RALYL: variants seen among roughly 807,000 people sequenced by gnomAD.
The protein encoded by RALYL is RALY RNA binding protein like, also known as RNA-binding Raly-like protein.
In RALYL, 29 loss-of-function variants were observed where a neutral mutation model predicts 35.1. That is an observed-to-expected ratio of 0.83 (90% confidence interval 0.61 to 1.13). The LOEUF (loss-of-function observed/expected upper bound fraction) is 1.13, where lower values mean the gene tolerates loss of function less well. RALYL is among the 50% of genes most tolerant of loss of function. RALYL has a pLI of 0.00. For synonymous variants in RALYL, 120 were observed against 127.6 expected (o/e 0.94, Z 0.40); for missense variants, 359 against 360.4 (o/e 1.00, Z 0.03).
intron 2 of RALYL, among the ~76,000 whole-genome samples, chr8:84,766,606 C>A (rs1814070782): frequency 6.7e-6 from 1 of 150,026 alleles, no homozygotes; most frequent in South Asian, 2.1e-4. Flanking sequence ...CGCCTGTAAT[C>A]CCAGCTACTT....
At chr8:84,417,957 C>T (rs1378740685) in intron 1 of RALYL, among the ~76,000 whole-genome samples, 1 of 152,144 alleles carries the variant, frequency 6.6e-6, no homozygotes, top group Non-Finnish European at 1.5e-5. Context: ...AAAGCACCTA[C>T]TTGAAGACAT....
intron 2 of RALYL, among the ~76,000 whole-genome samples, chr8:84,608,132 G>C (rs1220647869): frequency 6.6e-6 from 1 of 151,904 alleles, no homozygotes; most frequent in Non-Finnish European, 1.5e-5. Flanking sequence ...CAATATTCAG[G>C]CCCCCCGAAT....
chr8:84,778,235 T>C (rs751050768), intron 3 of RALYL, among the ~76,000 whole-genome samples: 1 of 152,230 alleles, frequency 6.6e-6, no homozygotes, highest in Non-Finnish European at 1.5e-5. Flanking sequence ...GCCGCCAGAC[T>C]TTCTTCTTCA....
chr8:84,289,605 T>C (rs570954229), intron 1 of RALYL, among the ~76,000 whole-genome samples: 6 of 152,234 alleles, frequency 3.9e-5, no homozygotes, highest in African/African-American at 1.4e-4. Context: ...TGTGCCAACA[T>C]GAGATTGTTA....
rs143499044 is a variant in RALYL at position 84,293,192 on chromosome 8, A to T, written c.-24+108768A>T. 1.2e-4 allele frequency among the ~76,000 whole-genome samples: 19 copies of T among 152,242 alleles called. 2 individuals carry two copies. The highest frequency in any genetic ancestry group is 4.6e-4 in the African/African-American group (19 of 41,548). On this transcript the variant is annotated intron_variant, in intron 1 of 8. Transcript: ENST00000521268. ...GCAGAGAATAACTAAATACCAACAGACTGAGCAATAGGGGAAATTTTTCAA... is the reference window on the plus strand; with the variant it reads ...GCAGAGAATAACTAAATACCAACAGTCTGAGCAATAGGGGAAATTTTTCAA...
intron 1 of RALYL, among the ~76,000 whole-genome samples, chr8:84,375,652 C>G (rs1399965778): frequency 1.3e-5 from 2 of 151,764 alleles, no homozygotes; most frequent in African/African-American, 4.8e-5. Context: ...CAAATTCATG[C>G]TTTTTTGAGG....
At chr8:84,261,575 A>G (rs576688758) in intron 1 of RALYL, among the ~76,000 whole-genome samples, 3 of 152,244 alleles carry the variant, frequency 2.0e-5, no homozygotes, top group Admixed American at 2.0e-4. Context: ...TTCCTTACCC[A>G]GTCTCAGGCC....
intron 1 of RALYL, among the ~76,000 whole-genome samples, chr8:84,271,529 A>G (rs1474899923): frequency 1.3e-5 from 2 of 151,210 alleles, no homozygotes; most frequent in Non-Finnish European, 2.9e-5. Context: ...TCTAGTATCT[A>G]GGTAAGATAA....
chr8:84,785,816 T>C (rs1819307366), intron 3 of RALYL, among the ~76,000 whole-genome samples: 1 of 152,138 alleles, frequency 6.6e-6, no homozygotes, highest in Admixed American at 6.5e-5. Flanking sequence ...AAACTTAGCA[T>C]TTGATTAGAG....
intron 1 of RALYL, among the ~76,000 whole-genome samples, chr8:84,489,259 G>GT (rs2054986058): frequency 6.6e-6 from 1 of 151,720 alleles, no homozygotes; most frequent in Admixed American, 6.6e-5. Context: ...TTGAAATGAT[G>GT]TATCTATTCC....
intron 3 of RALYL, among the ~76,000 whole-genome samples, chr8:84,785,461 G>A (rs896987231): frequency 6.6e-6 from 1 of 152,092 alleles, no homozygotes; most frequent in Admixed American, 6.6e-5. Flanking sequence ...AACATTCTGG[G>A]ATTCTGCTGT....
At chr8:84,462,608 T>TTG (rs952807289) in intron 1 of RALYL, among the ~76,000 whole-genome samples, 1 of 151,344 alleles carries the variant, frequency 6.6e-6, no homozygotes, top group Non-Finnish European at 1.5e-5. Flanking sequence ...TTCATTTTTT[T>TTG]TTTTTTTTGC....
intron 2 of RALYL, among the ~76,000 whole-genome samples, chr8:84,621,322 GAAA>G (rs1284089596): frequency 6.6e-6 from 1 of 152,204 alleles, no homozygotes; most frequent in African/African-American, 2.4e-5. Flanking sequence ...AAGCCCGTCG[GAAA>G]AGCGCAGTAT....
At chr8:84,580,333 TG>T (rs1810530461) in intron 2 of RALYL, among the ~76,000 whole-genome samples, 1 of 152,224 alleles carries the variant, frequency 6.6e-6, no homozygotes. Context: ...GAGGTTTATT[TG>T]GCTTACAGTT....
At chr8:84,846,777 AG>A (rs1228757152) in intron 4 of RALYL, among the ~76,000 whole-genome samples, 2 of 152,172 alleles carry the variant, frequency 1.3e-5, no homozygotes, top group Non-Finnish European at 2.9e-5. Context: ...CATTTTCTCT[AG>A]ATGTCCTATT....
intron 2 of RALYL, among the ~76,000 whole-genome samples, chr8:84,684,860 G>A (rs1367685910): frequency 1.3e-5 from 2 of 152,196 alleles, no homozygotes; most frequent in Non-Finnish European, 2.9e-5. Flanking sequence ...AGATAGGGAA[G>A]TTTAAGCAAC....
chr8:84,688,665 G>A (rs1204424203), intron 2 of RALYL, among the ~76,000 whole-genome samples: 2 of 151,766 alleles, frequency 1.3e-5, no homozygotes, highest in African/African-American at 2.4e-5. Flanking sequence ...CATTAATCTG[G>A]GCAATGCTTT....
chr8:84,420,822 G>A (rs2045459198), intron 1 of RALYL, among the ~76,000 whole-genome samples: 1 of 113,736 alleles, frequency 8.8e-6, no homozygotes, highest in African/African-American at 4.0e-5. Flanking sequence ...CCCATTGCTT[G>A]TTTTTCTCAG....
chr8:84,717,428 A>G (rs893713652), intron 2 of RALYL, among the ~76,000 whole-genome samples: 2 of 152,180 alleles, frequency 1.3e-5, no homozygotes, highest in Non-Finnish European at 2.9e-5. Flanking sequence ...GGCAGCAATT[A>G]ATCAACAGTT....
Sources: allele counts gnomAD v4.1 joint callset (sites outside exome capture counted in the v4.1 genomes callset), GRCh38; gene constraint gnomAD v4.1.1; transcripts MANE v1.5; gene names NCBI Gene and HGNC (gene_info 2026-07-23, HGNC 2026-07-21).